Variants in ME3 observed in about 807,000 individuals in gnomAD.
ME3 encodes NADP-dependent malic enzyme, mitochondrial.
Under a neutral mutation model 68.9 loss-of-function variants are expected in ME3, and 48 were observed. The observed-to-expected ratio is 0.70, with a 90% confidence interval of 0.55 to 0.89. The LOEUF (loss-of-function observed/expected upper bound fraction) is 0.89. Among genes scored for constraint, ME3 ranks in the 40% least tolerant of loss-of-function variants. ME3 has a pLI of 0.00. For missense variants in ME3, 675 were observed against 797.4 expected (o/e 0.85, Z 1.85); for synonymous variants, 320 against 318.8 (o/e 1.00, Z -0.04).
At chr11:86,583,158 ATCAT>A (rs538226943) in intron 2 of ME3, among the ~76,000 whole-genome samples, 11 of 152,178 alleles carry the variant, frequency 7.2e-5, no homozygotes, top group African/African-American at 2.4e-4. Flanking sequence ...ACTCAGCCTA[ATCAT>A]TCATTCATTC....
intron 2 of ME3, among the ~76,000 whole-genome samples, chr11:86,577,569 G>A (rs1007907810): frequency 6.6e-6 from 1 of 152,136 alleles, no homozygotes; most frequent in Non-Finnish European, 1.5e-5. Context: ...TATTAAGTTG[G>A]TGCCTCCTGC....
At chr11:86,479,976 G>A (rs527487551) in intron 7 of ME3, among the ~76,000 whole-genome samples, 2 of 152,176 alleles carry the variant, frequency 1.3e-5, no homozygotes, top group East Asian at 3.9e-4. Flanking sequence ...CACTGTACCT[G>A]GCTAATTTTT....
intron 2 of ME3, among the ~76,000 whole-genome samples, chr11:86,587,881 C>G (rs2139648741): frequency 6.6e-6 from 1 of 152,290 alleles, no homozygotes; most frequent in South Asian, 2.1e-4. Context: ...CCTTCTGGCT[C>G]AAATATAAAT....
At position 86,496,332 on chromosome 11, in the gene ME3, G is replaced by T. The variant is rs114728179; in HGVS notation, c.705+1631C>A. 6.2e-3 allele frequency among the ~76,000 whole-genome samples: 944 copies of T among 152,200 alleles called. 8 individuals carry two copies. Among genetic ancestry groups the T allele is most frequent in the African/African-American group, 0.022 (905 of 41,514 alleles). ...GAGATAGGAGAATTGCTTGAACCAG[G>T]GAAGCAGAGGTTGCAGCGAGCCGAG... On this transcript the variant is annotated intron_variant, in intron 6 of 14. Transcript: ENST00000543262.
intron 8 of ME3, among the ~76,000 whole-genome samples, chr11:86,457,962 G>T (rs946369348): frequency 2.0e-5 from 3 of 152,162 alleles, no homozygotes; most frequent in Admixed American, 1.3e-4. Flanking sequence ...TTGGAGGAAA[G>T]AATTTACTGC....
At chr11:86,650,956 C>A (rs955081626) in intron 2 of ME3, among the ~76,000 whole-genome samples, 12 of 152,244 alleles carry the variant, frequency 7.9e-5, no homozygotes, top group Admixed American at 7.2e-4. Flanking sequence ...TATCCCTCAC[C>A]TGGTTCGGAG....
intron 2 of ME3, among the ~76,000 whole-genome samples, chr11:86,605,472 C>T (rs1203503723): frequency 1.3e-5 from 2 of 152,138 alleles, no homozygotes; most frequent in Non-Finnish European, 2.9e-5. Context: ...AAGACTTTTG[C>T]TGGGGGCTCA....
Position 86,457,813 on chromosome 11 carries a change from A to G in ME3, c.919+7278T>C, listed in dbSNP as rs181561849. 4.5e-5 allele frequency: 56 copies of G among 1,256,142 alleles called. No individual in the cohort carries two copies. In the African/African-American group the frequency reaches 7.5e-4, roughly 17 times the overall value. The allele number at this position is 1,256,142 out of a possible 1,614,324, so 77.8% of individuals were successfully genotyped here. On this transcript the variant is annotated intron_variant, in intron 8 of 14. Transcript: ENST00000543262. ...TTTTTTCCAGAGGGAGATTTCCATA[A>G]TTACATTTCCTGCAAACTGAGTACT...
intron 7 of ME3, among the ~76,000 whole-genome samples, chr11:86,482,286 T>C (rs1951458940): frequency 6.6e-6 from 1 of 152,218 alleles, no homozygotes; most frequent in Non-Finnish European, 1.5e-5. Flanking sequence ...GAAATGTTTT[T>C]GACTATGTAG....
intron 4 of ME3, among the ~76,000 whole-genome samples, chr11:86,532,486 A>T (rs369161090): frequency 6.6e-6 from 1 of 152,236 alleles, no homozygotes; most frequent in African/African-American, 2.4e-5. Context: ...GGTCTTAACA[A>T]ATTTAAGGAT....
intron 5 of ME3, among the ~76,000 whole-genome samples, chr11:86,504,600 G>C (rs1188922832): frequency 6.6e-6 from 1 of 151,884 alleles, no homozygotes; most frequent in African/African-American, 2.4e-5. Context: ...TACCATGTTG[G>C]CCAGGCTGGT....
intron 7 of ME3, among the ~76,000 whole-genome samples, chr11:86,478,662 A>T (rs1161833616): frequency 6.6e-6 from 1 of 152,238 alleles, no homozygotes; most frequent in Non-Finnish European, 1.5e-5. Context: ...GGTAATTTTC[A>T]AACATTTTTT....
intron 8 of ME3, among the ~76,000 whole-genome samples, chr11:86,464,675 G>A (rs1038364236): frequency 1.3e-5 from 2 of 152,150 alleles, no homozygotes; most frequent in African/African-American, 4.8e-5. Context: ...GAGTTTTATG[G>A]GTTAGTACTT....
chr11:86,449,636 G>A (rs776609571), intron 10 of ME3, among the ~76,000 whole-genome samples: 5 of 152,336 alleles, frequency 3.3e-5, no homozygotes, highest in Admixed American at 1.3e-4. Flanking sequence ...TAATGTGGCT[G>A]GAGGCTAGTG....
rs374139844 is a variant in ME3, at chr11:86,542,173, G to A, written c.467+14380C>T. 9.9e-5 allele frequency among the ~76,000 whole-genome samples: 15 copies of A among 152,268 alleles called. No individual in the cohort carries two copies. The East Asian group carries it at 2.9e-3, about 29-fold the overall frequency. On this transcript the variant is annotated intron_variant, in intron 4 of 14. Transcript: ENST00000543262. ...AGGTCACTAAAATCAAAGACCAAAG[G>A]TAGACAAATCCACAAAGATGAGGAA...
intron 2 of ME3, among the ~76,000 whole-genome samples, chr11:86,668,561 G>C (rs896733235): frequency 1.3e-5 from 2 of 152,054 alleles, no homozygotes; most frequent in Admixed American, 6.5e-5. Context: ...TACCACATGG[G>C]GGCTGTCTCC....
At chr11:86,660,786 A>T (rs527831844) in intron 2 of ME3, among the ~76,000 whole-genome samples, 1 of 152,152 alleles carries the variant, frequency 6.6e-6, no homozygotes, top group East Asian at 1.9e-4. Flanking sequence ...ATCACAAAAG[A>T]TGCTATTCTT....
intron 4 of ME3, among the ~76,000 whole-genome samples, chr11:86,524,705 G>A (rs1388337964): frequency 6.6e-6 from 1 of 152,182 alleles, no homozygotes; most frequent in African/African-American, 2.4e-5. Flanking sequence ...TAATAAGAGA[G>A]AACAGAATGC....
chr11:86,625,229 G>A (rs1167963555), intron 2 of ME3, among the ~76,000 whole-genome samples: 1 of 152,010 alleles, frequency 6.6e-6, no homozygotes, highest in Admixed American at 6.6e-5. Flanking sequence ...GTCCGAGAAA[G>A]CTTGGGTAGA....
Sources: gnomAD v4.1 joint callset for allele counts (sites outside exome capture counted in the v4.1 genomes callset) on GRCh38, gnomAD v4.1.1 for gene constraint, MANE v1.5 for transcripts, NCBI Gene and HGNC (gene_info 2026-07-23, HGNC 2026-07-21) for gene names.